Variants in CBFA2T2 observed in about 807,000 individuals in gnomAD.
CBFA2T2 encodes the protein protein CBFA2T2.
CBFA2T2 carries 11 observed loss-of-function variants against 62.2 expected under a neutral mutation model. That is an observed-to-expected ratio of 0.18 (90% CI 0.11 to 0.29). The LOEUF is 0.29. Ranked by LOEUF, CBFA2T2 falls within the 10% of genes least tolerant of loss-of-function variation. CBFA2T2 has a pLI of 1.00. For missense variants in CBFA2T2, 592 were observed against 774.1 expected, an observed-to-expected ratio of 0.76 and a Z score of 2.79; for synonymous variants, 295 against 287.5, an observed-to-expected ratio of 1.03 and a Z score of -0.27.
intron 1 of CBFA2T2, among the ~76,000 whole-genome samples, chr20:33,578,183 C>G (rs1292160137): frequency 6.6e-6 from 1 of 152,140 alleles, no homozygotes; most frequent in African/African-American, 2.4e-5. Flanking sequence ...TTACAGCTGA[C>G]TACTTTAGTA....
chr20:33,556,086 C>T (rs895759627), intron 1 of CBFA2T2, among the ~76,000 whole-genome samples: 2 of 152,204 alleles, frequency 1.3e-5, no homozygotes, highest in Non-Finnish European at 2.9e-5. Context: ...CGGCTGGTCT[C>T]GAACTCCTTA....
At chr20:33,573,702 G>A (rs1310047188) in intron 1 of CBFA2T2, among the ~76,000 whole-genome samples, 7 of 151,762 alleles carry the variant, frequency 4.6e-5, no homozygotes, top group Admixed American at 1.3e-4. Context: ...GGCTGGCCTC[G>A]AACTCCTGAC....
At chr20:33,510,662 C>T (rs1568792250) in intron 1 of CBFA2T2, among the ~76,000 whole-genome samples, 1 of 152,132 alleles carries the variant, frequency 6.6e-6, no homozygotes, top group African/African-American at 2.4e-5. Context: ...GTAATGGGAT[C>T]GCTGGGTCAA....
chr20:33,572,586 G>T (rs2013616402), intron 1 of CBFA2T2, among the ~76,000 whole-genome samples: 1 of 152,170 alleles, frequency 6.6e-6, no homozygotes, highest in South Asian at 2.1e-4. Context: ...AATAGTCGGT[G>T]GATGTCAGTG....
In CBFA2T2 at chr20:33,631,014, C is replaced by A. The variant is rs368505143; in HGVS notation, c.1228+1100C>A. On this transcript the variant is annotated intron_variant, in intron 8 of 10. Transcript: ENST00000342704. Reference sequence around the variant, plus strand: ...TAGAGTTATATAGTATGATTCCTTTCGTAAAAACTCGAAAAACAGGCCGGG... The same window carrying A: ...TAGAGTTATATAGTATGATTCCTTTAGTAAAAACTCGAAAAACAGGCCGGG... Among the ~76,000 whole-genome samples, 29 of 152,164 alleles carry A rather than the reference C, an allele frequency of 1.9e-4. No individual in the cohort carries two copies. In the East Asian group the frequency reaches 3.7e-3, roughly 19 times the overall value.
Position 33,490,263 on chromosome 20 carries a change from C to T in CBFA2T2, c.-5C>T, listed in dbSNP as rs558359699. On this transcript the variant is annotated 5_prime_UTR_variant, in exon 1 of 11. Coordinates refer to ENST00000342704, the MANE Select transcript of CBFA2T2 (RefSeq NM_001032999.3). The stretch of plus-strand genomic sequence containing the variant: ...GCGGGCGGCGCGCGGCGGCGGCGCT[C>T]GGCGATGGTAGGCGTCCCTGGAGCG... The T allele has an allele frequency of 1.6e-6, 2 of 1,244,866 alleles. No individual in the cohort carries two copies. Among genetic ancestry groups the T allele is most frequent in the Non-Finnish European group, 2.0e-6 (2 of 995,164 alleles). The allele number at this position is 1,244,866 out of a possible 1,614,324, so 77.1% of individuals were successfully genotyped here.
chr20:33,619,551 A>G lies in CBFA2T2; in HGVS notation c.455A>G (p.Lys152Arg), dbSNP rs766692226. Reference sequence around the variant, plus strand: ...GTGACAATTGAGGAATTCCACTGTAAGCTCCAAGAAGCCACAAACTTTCCC... The same window carrying G: ...GTGACAATTGAGGAATTCCACTGTAGGCTCCAAGAAGCCACAAACTTTCCC... ...STVTIEEFHC[K>R]LQEATNFPLR... The change falls in exon 4 of 11, where the codon AAG becomes AGG. Residue 152 changes from lysine (K) to arginine (R), a missense_variant. Physicochemically the swap from Lys to Arg is conservative, Grantham distance 26 (BLOSUM62 2). Transcript: ENST00000342704. 6.2e-7 allele frequency: 1 copy of G among 1,608,792 alleles called. No homozygotes were observed. Among genetic ancestry groups the G allele is most frequent in the Non-Finnish European group, 8.5e-7 (1 of 1,177,948 alleles).
At chr20:33,561,603 C>T (rs936401035) in intron 1 of CBFA2T2, among the ~76,000 whole-genome samples, 44 of 152,150 alleles carry the variant, frequency 2.9e-4, no homozygotes, top group African/African-American at 1.0e-3. Flanking sequence ...GGATTAAACT[C>T]TGACCTTATG....
At chr20:33,593,316 T>C (rs2014742324) in intron 1 of CBFA2T2, among the ~76,000 whole-genome samples, 1 of 151,210 alleles carries the variant, frequency 6.6e-6, no homozygotes, top group Non-Finnish European at 1.5e-5. Context: ...TGGGCGACAG[T>C]GAGATTCCGT....
At chr20:33,530,835 CT>C (rs1411826979) in intron 1 of CBFA2T2, among the ~76,000 whole-genome samples, 1 of 152,066 alleles carries the variant, frequency 6.6e-6, no homozygotes, top group Non-Finnish European at 1.5e-5. Context: ...AATCCCAGCA[CT>C]TTGGGAGGCC....
intron 1 of CBFA2T2, among the ~76,000 whole-genome samples, chr20:33,588,674 T>A (rs929382516): frequency 6.6e-6 from 1 of 152,050 alleles, no homozygotes; most frequent in Non-Finnish European, 1.5e-5. Flanking sequence ...GGGCTGGGCA[T>A]GGTGGCTCAC....
chr20:33,496,860 G>A (rs2011205054), intron 1 of CBFA2T2, among the ~76,000 whole-genome samples: 1 of 152,180 alleles, frequency 6.6e-6, no homozygotes, highest in Non-Finnish European at 1.5e-5. Context: ...TACCTATATG[G>A]ACTACATCAA....
chr20:33,611,007 A>G, intron 2 of CBFA2T2, 87 bp from the exon 3 acceptor site: 2 of 1,544,486 alleles, frequency 1.3e-6, no homozygotes, highest in South Asian at 1.2e-5. Flanking sequence ...ATTCAAATGA[A>G]CAAACGAAAA....
At chr20:33,553,094 G>C (rs1940416787) in intron 1 of CBFA2T2, among the ~76,000 whole-genome samples, 3 of 152,102 alleles carry the variant, frequency 2.0e-5, no homozygotes, top group African/African-American at 4.8e-5. Context: ...TTTCTCAATA[G>C]ACTGTAAGCT....
rs939191148 is a variant in CBFA2T2, at chr20:33,560,080, C to T, written c.35-46876C>T. Among the ~76,000 whole-genome samples, 17 of 152,194 alleles carry T rather than the reference C, an allele frequency of 1.1e-4. 1 individual carries two copies. Among genetic ancestry groups the T allele is most frequent in the Admixed American group, 1.0e-3 (16 of 15,272 alleles). Reference sequence around the variant, plus strand: ...TTAAATAACAGTATTTATCACCTCACATGGTTTGTATGGGTCATAATTCTG... The same window carrying T: ...TTAAATAACAGTATTTATCACCTCATATGGTTTGTATGGGTCATAATTCTG... On this transcript the variant is annotated intron_variant, in intron 1 of 10. Transcript: ENST00000342704.
intron 1 of CBFA2T2, among the ~76,000 whole-genome samples, chr20:33,519,418 C>T (rs2011669669): frequency 1.3e-5 from 2 of 152,078 alleles, no homozygotes; most frequent in African/African-American, 4.8e-5. Flanking sequence ...TGCAATGAGT[C>T]GAGATTGCTC....
chr20:33,549,047 A>C (rs2012658351), intron 1 of CBFA2T2, among the ~76,000 whole-genome samples: 1 of 152,206 alleles, frequency 6.6e-6, no homozygotes, highest in Admixed American at 6.5e-5. Context: ...TATAAAAGTG[A>C]AACCACGGGA....
chr20:33,548,400 C>T (rs552624176), intron 1 of CBFA2T2, among the ~76,000 whole-genome samples: 1 of 151,886 alleles, frequency 6.6e-6, no homozygotes, highest in African/African-American at 2.4e-5. Context: ...CCCACCACCG[C>T]ACCTGGCTAA....
intron 1 of CBFA2T2, among the ~76,000 whole-genome samples, chr20:33,498,047 G>A (rs1000927145): frequency 2.6e-5 from 4 of 151,910 alleles, no homozygotes; most frequent in Non-Finnish European, 5.9e-5. Flanking sequence ...TTATCTTACT[G>A]TATTTTTAAA....
Sources: allele counts gnomAD v4.1 joint callset (sites outside exome capture counted in the v4.1 genomes callset), GRCh38; gene constraint gnomAD v4.1.1; transcripts MANE v1.5; gene names NCBI Gene and HGNC (gene_info 2026-07-23, HGNC 2026-07-21).